RAD51B: variants seen among roughly 807,000 people sequenced by gnomAD.
RAD51B encodes the protein RAD51 paralog B, also known as DNA repair protein RAD51 homolog 2.
RAD51B carries 38 observed loss-of-function variants against 42.2 expected under a neutral mutation model. That is an observed-to-expected ratio of 0.90 (90% confidence interval 0.70 to 1.18). RAD51B has a LOEUF of 1.18. Among genes scored for constraint, RAD51B ranks in the 50% most tolerant of loss-of-function variants. The pLI is 0.00. For synonymous variants in RAD51B, 154 were observed against 145.2 expected (o/e 1.06, Z -0.43); for missense variants, 373 against 400.7 (o/e 0.93, Z 0.59).
chr14:68,029,825 A>G (rs2076013487), intron 7 of RAD51B, among the ~76,000 whole-genome samples: 1 of 152,162 alleles, frequency 6.6e-6, no homozygotes, highest in Non-Finnish European at 1.5e-5. Flanking sequence ...CAGCCTCTTG[A>G]ATTGTGTTTC....
intron 4 of RAD51B, among the ~76,000 whole-genome samples, chr14:67,848,425 A>G (rs558473102): frequency 1.3e-5 from 2 of 151,630 alleles, no homozygotes; most frequent in Admixed American, 1.3e-4. Context: ...CTTGTTTTCC[A>G]TTTGCCTGCT....
At chr14:68,141,698 A>T (rs2078132072) in intron 7 of RAD51B, among the ~76,000 whole-genome samples, 2 of 152,238 alleles carry the variant, frequency 1.3e-5, no homozygotes, top group South Asian at 4.1e-4. Flanking sequence ...TTATTTCGAC[A>T]CAACAATGAT....
chr14:68,675,220 A>G (rs1226422685), intron 11 of RAD51B, among the ~76,000 whole-genome samples: 1 of 152,180 alleles, frequency 6.6e-6, no homozygotes, highest in African/African-American at 2.4e-5. Context: ...GGTGTCAGTA[A>G]CAAACACAGG....
chr14:68,327,039 A>AG (rs2082264987), intron 8 of RAD51B, among the ~76,000 whole-genome samples: 1 of 152,180 alleles, frequency 6.6e-6, no homozygotes, highest in Non-Finnish European at 1.5e-5. Context: ...TGACACACAC[A>AG]GGCCAGGTCC....
At chr14:68,276,140 G>A (rs575078539) in intron 7 of RAD51B, among the ~76,000 whole-genome samples, 3 of 152,180 alleles carry the variant, frequency 2.0e-5, no homozygotes, top group Non-Finnish European at 4.4e-5. Flanking sequence ...TGGTCACCTT[G>A]TTAATGACTT....
Position 68,291,986 on chromosome 14 carries a change from G to T in RAD51B, c.853+6G>T, listed in dbSNP as rs1287211819. 6.2e-7 allele frequency: 1 copy of T among 1,607,380 alleles called. No homozygotes were observed. The highest frequency in any genetic ancestry group is 8.5e-7 in the Non-Finnish European group (1 of 1,174,080). On this transcript the variant is annotated splice_donor_region_variant and intron_variant, in intron 8 of 10. Coordinates refer to ENST00000471583, the MANE Select transcript of RAD51B (RefSeq NM_133510.4). ...TGATTTGTCCCTGTCTGAAGGTAAG[G>T]AATCTGTCCTGGAGAGGCTGAAACT...
chr14:67,906,872 C>T (rs899273811), intron 7 of RAD51B, among the ~76,000 whole-genome samples: 3 of 151,808 alleles, frequency 2.0e-5, no homozygotes, highest in Non-Finnish European at 4.4e-5. Flanking sequence ...TGCAATGGCA[C>T]CATCTCAGCT....
intron 8 of RAD51B, among the ~76,000 whole-genome samples, chr14:68,395,057 C>A (rs1279430259): frequency 1.3e-5 from 2 of 152,186 alleles, no homozygotes; most frequent in African/African-American, 4.8e-5. Flanking sequence ...GCATCCCCCC[C>A]TTTCTTCAGG....
At chr14:68,261,120 T>G (rs568794681) in intron 7 of RAD51B, among the ~76,000 whole-genome samples, 3 of 152,378 alleles carry the variant, frequency 2.0e-5, no homozygotes, top group Non-Finnish European at 4.4e-5. Context: ...TTGCACCTCC[T>G]CAAGGCTGTG....
rs1453265060 is a variant in RAD51B, at chr14:68,537,956, A to C, written c.1037-56529A>C. Among the ~76,000 whole-genome samples the C allele has an allele frequency of 2.0e-5, 3 of 152,202 alleles. No homozygotes were observed. The East Asian group carries it at 5.8e-4, about 29-fold the overall frequency. On this transcript the variant is annotated intron_variant, in intron 10 of 10. Transcript: ENST00000487270. ...AGGTCATGTAGCTAAGTGGTCAAAAAACTAGGCTGAGCATCAAGATGTCTT... is the reference window on the plus strand; with the variant it reads ...AGGTCATGTAGCTAAGTGGTCAAAACACTAGGCTGAGCATCAAGATGTCTT...
chr14:68,484,359 C>CTTTCT (rs1555417119), intron 10 of RAD51B, among the ~76,000 whole-genome samples: 1 of 130,180 alleles, frequency 7.7e-6, no homozygotes, highest in Non-Finnish European at 1.6e-5. Context: ...CTTTCTTTTT[C>CTTTCT]TTTTTTTTTT....
intron 8 of RAD51B, among the ~76,000 whole-genome samples, chr14:68,365,676 T>C (rs557885996): frequency 6.6e-6 from 1 of 152,366 alleles, no homozygotes; most frequent in Admixed American, 6.5e-5. Flanking sequence ...TCAAGACATT[T>C]TCATTCTCTC....
intron 10 of RAD51B, among the ~76,000 whole-genome samples, chr14:68,644,519 G>A (rs1156592571): frequency 2.0e-5 from 3 of 152,174 alleles, no homozygotes; most frequent in African/African-American, 7.2e-5. Context: ...TGCCTTCCTG[G>A]GGCTCTGCCT....
At chr14:68,075,235 G>A (rs978657122) in intron 7 of RAD51B, among the ~76,000 whole-genome samples, 1 of 152,196 alleles carries the variant, frequency 6.6e-6, no homozygotes, top group Non-Finnish European at 1.5e-5. Context: ...TCACAGGGAA[G>A]AAAGACAGGC....
chr14:68,074,651 G>A (rs1363525495), intron 7 of RAD51B, among the ~76,000 whole-genome samples: 1 of 152,178 alleles, frequency 6.6e-6, no homozygotes, highest in Admixed American at 6.5e-5. Flanking sequence ...TCTCATATGT[G>A]TGGGCTGATG....
At position 68,434,736 on chromosome 14, in the gene RAD51B, GCTGCACCCACTGTC is replaced by G. The variant is rs555517958; in HGVS notation, c.957+23224_957+23237del. Among the ~76,000 whole-genome samples, 325 of 152,230 alleles carry G rather than the reference GCTGCACCCACTGTC, an allele frequency of 2.1e-3. 1 individual carries two copies. Among genetic ancestry groups the G allele is most frequent in the Middle Eastern group, 6.8e-3 (2 of 294 alleles). On this transcript the variant is annotated intron_variant, in intron 9 of 10. Coordinates refer to ENST00000471583, the MANE Select transcript of RAD51B (RefSeq NM_133510.4). ...CCCTGCTTCAGCTTATGCTCGGTGG[GCTGCACCCACTGTC>G]CTGCACCCACTGTCTGACAAGCCCC... is the stretch of plus-strand genomic sequence containing the variant.
chr14:68,245,403 A>C (rs2080475013), intron 7 of RAD51B, among the ~76,000 whole-genome samples: 1 of 152,232 alleles, frequency 6.6e-6, no homozygotes. Flanking sequence ...CTGGAAACCC[A>C]TCACTTAGAT....
intron 4 of RAD51B, among the ~76,000 whole-genome samples, chr14:67,859,056 G>T (rs1026855496): frequency 6.6e-6 from 1 of 152,210 alleles, no homozygotes; most frequent in African/African-American, 2.4e-5. Context: ...TCTAACAAAT[G>T]AAATTTACCT....
Position 67,885,994 on chromosome 14 carries a change from C to T in RAD51B, c.572+6C>T. ...TGTGATGAAGTTCTACAAAGGTATG[C>T]TGCTTTAGATTTTGATTTTTTAGTA... On this transcript the variant is annotated splice_donor_region_variant and intron_variant, in intron 6 of 10. Transcript: ENST00000471583. 1 of 1,568,242 alleles carries T rather than the reference C, an allele frequency of 6.4e-7. No individual in the cohort carries two copies. Among genetic ancestry groups the T allele is most frequent in the Non-Finnish European group, 8.7e-7 (1 of 1,149,692 alleles).
Sources: gnomAD v4.1 joint callset for allele counts (sites outside exome capture counted in the v4.1 genomes callset) on GRCh38, gnomAD v4.1.1 for gene constraint, MANE v1.5 for transcripts, NCBI Gene and HGNC (gene_info 2026-07-23, HGNC 2026-07-21) for gene names.